Variants in EPHA1 observed in about 807,000 individuals in gnomAD.
EPHA1 encodes the protein ephrin type-A receptor 1.
In EPHA1, 92 loss-of-function variants were observed where a neutral mutation model predicts 110.1. The ratio of observed to expected loss-of-function variants is 0.84; its 90% confidence interval spans 0.71 to 0.99. The LOEUF is 0.99. Ranked by LOEUF, EPHA1 falls within the 50% of genes least tolerant of loss-of-function variation. The pLI is 0.00. For synonymous variants in EPHA1, 500 were observed against 516.1 expected, an observed-to-expected ratio of 0.97 and a Z score of 0.42; for missense variants, 1,204 against 1,285.4, an observed-to-expected ratio of 0.94 and a Z score of 0.97.
chr7:143,405,151 GGCTGTGCTGGGGA>G (rs1250479379), intron 2 of EPHA1, among the ~76,000 whole-genome samples: 1 of 152,082 alleles, frequency 6.6e-6, no homozygotes, highest in African/African-American at 2.4e-5. Context: ...TCCTAAGGAA[GGCTGTGCTGGGGA>G]AGCCCAAGTG....
At chr7:143,394,010 G>T in intron 15 of EPHA1, 146 bp from the exon 16 acceptor site, 1 of 1,233,332 alleles carries the variant, frequency 8.1e-7, no homozygotes, top group Non-Finnish European at 1.1e-6. Context: ...ACAGTGGGAG[G>T]ATCAGGGTGG....
In EPHA1 at chr7:143,396,434, G is replaced by A. The variant is rs1272696784; in HGVS notation, c.1848C>T (p.Thr616=). ...EDPAQGALDF[T]RELDPAWLMV... ...TCAGCCACGCTGGATCAAGCTCCCG[G>A]GTAAAGTCCAGGGCTCCCTGTGCAG... Residue 616 remains threonine (T), a synonymous_variant, in exon 11 of 18, where the codon ACC becomes ACT. Transcript: ENST00000275815. 1.2e-6 allele frequency: 2 copies of A among 1,613,824 alleles called. No homozygotes were observed. The highest frequency in any genetic ancestry group is 1.3e-5 in the African/African-American group (1 of 75,032).
chr7:143,396,703 G>T, intron 10 of EPHA1, 193 bp from the exon 11 acceptor site: 1 of 611,988 alleles, frequency 1.6e-6, no homozygotes, highest in Non-Finnish European at 2.7e-6. Flanking sequence ...TATGCTCCAA[G>T]CTCCGCTGTC....
chr7:143,402,903 A>G (rs369787422), intron 2 of EPHA1, among the ~76,000 whole-genome samples: 1 of 152,140 alleles, frequency 6.6e-6, no homozygotes, highest in South Asian at 2.1e-4. Context: ...CCTCACCCTC[A>G]TCCTTCCACT....
rs55874355 is a variant in EPHA1, at chr7:143,399,307, C to G, written c.942G>C (p.Glu314Asp). The G allele has an allele frequency of 1.2e-6, 2 of 1,612,380 alleles. No individual in the cohort carries two copies. The highest frequency in any genetic ancestry group is 1.3e-5 in the African/African-American group (1 of 74,986). ...CCCCGGGAGCTCTGTAATGGCCGCT[C>G]TCACAGGTACAGATGGTGGCCCCCT... ...ESEGATICTC[E>D]SGHYRAPGEG... The change falls in exon 5 of 18, where the codon GAG (glutamate) becomes GAC (aspartate). Residue 314 changes from glutamate (E) to aspartate (D), a missense_variant. By Grantham distance (45) the Glu-to-Asp change is conservative. Coordinates refer to ENST00000275815, the MANE Select transcript of EPHA1 (RefSeq NM_005232.5).
rs374658383 is a variant in EPHA1 at position 143,404,760 on chromosome 7, A to G, written c.150+2851T>C. ...TATCTGCTTGTCAGACAAGTCTCCCATTTCATTCTTCAAAAACTCTTCTCA... is the reference window on the plus strand; with the variant it reads ...TATCTGCTTGTCAGACAAGTCTCCCGTTTCATTCTTCAAAAACTCTTCTCA... On this transcript the variant is annotated intron_variant, in intron 2 of 17. Coordinates refer to ENST00000275815, the MANE Select transcript of EPHA1 (RefSeq NM_005232.5). Among the ~76,000 whole-genome samples, 19 of 152,210 alleles carry G rather than the reference A, an allele frequency of 1.2e-4. No individual in the cohort carries two copies. In the East Asian group the frequency reaches 3.5e-3, roughly 28 times the overall value.
chr7:143,397,474 A>G (rs2116621598), intron 9 of EPHA1, 87 bp downstream of exon 9: 4 of 1,592,576 alleles, frequency 2.5e-6, no homozygotes, highest in Non-Finnish European at 3.4e-6. Context: ...ATGGGTTTTG[A>G]TACTAGGGGA....
chr7:143,407,592 TC>T lies in EPHA1; in HGVS notation c.150+18del. 1.2e-6 allele frequency: 2 copies of T among 1,612,322 alleles called. No individual in the cohort carries two copies. Among genetic ancestry groups the T allele is most frequent in the Non-Finnish European group, 1.7e-6 (2 of 1,179,168 alleles). On this transcript the variant is annotated intron_variant, in intron 2 of 17. Coordinates refer to ENST00000275815, the MANE Select transcript of EPHA1 (RefSeq NM_005232.5). ...GCCTTCAGGAGTTTTCCAAGATCCT[TC>T]CCTCTTCCGACACTTACCCCATCTT...
At position 143,397,972 on chromosome 7, in the gene EPHA1, T is replaced by C; in HGVS notation, c.1563A>G (p.Pro521=). Residue 521 remains proline (P), a synonymous_variant, in exon 8 of 18, where the codon CCA becomes CCG. Coordinates refer to ENST00000275815, the MANE Select transcript of EPHA1 (RefSeq NM_005232.5). Reference sequence around the variant, plus strand: ...CAGGGGAGAAAGGGCCAGGACCCAGTGGGGTCAGCATTCGGACTCTGACGA... The same window carrying C: ...CAGGGGAGAAAGGGCCAGGACCCAGCGGGGTCAGCATTCGGACTCTGACGA... ...TYIVRVRMLT[P]LGPGPFSPDH... 6.2e-7 allele frequency: 1 copy of C among 1,614,014 alleles called. No homozygotes were observed. Among genetic ancestry groups the C allele is most frequent in the Non-Finnish European group, 8.5e-7 (1 of 1,179,980 alleles).
intron 4 of EPHA1, 45 bp downstream of exon 4, chr7:143,399,606 A>G: frequency 3.7e-6 from 6 of 1,607,914 alleles, no homozygotes; most frequent in South Asian, 3.3e-5. Context: ...TACTCCTGCA[A>G]TCCTCCCGAG....
At position 143,393,732 on chromosome 7, in the gene EPHA1, G is replaced by A; in HGVS notation, c.2635C>T (p.His879Tyr). Residue 879 changes from histidine to tyrosine, a missense_variant, in exon 16 of 18, where the codon CAT becomes TAT. By Grantham distance (83) the His-to-Tyr change is moderately conservative. Transcript: ENST00000275815. This position sits in a 1 kb window ranked among gnomAD's most constrained non-coding sequence, Gnocchi z 5.6. ...GGGTTGGCAAGCAGTTGCTCCAGAT[G>A]TGCCTGAAGCTTCTGGAAGTGTGGC... ...RRPHFQKLQA[H>Y]LEQLLANPHS... is the part of the protein sequence containing the mutation. 2 of 1,613,998 alleles carry A rather than the reference G, an allele frequency of 1.2e-6. No homozygotes were observed. The highest frequency in any genetic ancestry group is 1.1e-5 in the South Asian group (1 of 91,064).
At chr7:143,396,949 C>T (rs980534102) in intron 10 of EPHA1, among the ~76,000 whole-genome samples, 3 of 152,148 alleles carry the variant, frequency 2.0e-5, no homozygotes, top group East Asian at 1.9e-4. Context: ...TCATAAGCCT[C>T]GGAGGACGTC....
chr7:143,398,313 A>G lies in EPHA1; in HGVS notation c.1464+8T>C. 6.2e-7 allele frequency: 1 copy of G among 1,613,994 alleles called. No homozygotes were observed. The highest frequency in any genetic ancestry group is 1.7e-4 in the Middle Eastern group (1 of 6,058). On this transcript the variant is annotated splice_region_variant and intron_variant, in intron 7 of 17. Transcript: ENST00000275815. ...ACACTGAAGACCATCTCTCAGTAGC[A>G]TCCTGACCTGGTTCAGCACGTGCAG...
At chr7:143,399,033 G>A (rs1805343108) in intron 5 of EPHA1, 88 bp from the exon 6 acceptor site, 14 of 1,315,604 alleles carry the variant, frequency 1.1e-5, no homozygotes, top group African/African-American at 2.9e-5. Context: ...CCCAATTCTC[G>A]ATGTCCTCTG....
In EPHA1 at chr7:143,399,331, C is replaced by T. The variant is rs1387434435; in HGVS notation, c.918G>A (p.Glu306=). ...TCPQQSTAES[E]GATICTCESG... The stretch of plus-strand genomic sequence containing the variant: ...TCTCACAGGTACAGATGGTGGCCCC[C>T]TCAGACTCAGCAGTGCTCTGCTGGG... The change falls in exon 5 of 18, where the codon GAG becomes GAA. Residue 306 remains glutamate, a synonymous_variant. Coordinates refer to ENST00000275815, the MANE Select transcript of EPHA1 (RefSeq NM_005232.5). 2 of 1,612,546 alleles carry T rather than the reference C, an allele frequency of 1.2e-6. No homozygotes were observed. Among genetic ancestry groups the T allele is most frequent in the African/African-American group, 1.3e-5 (1 of 74,880 alleles).
At chr7:143,402,388 TTTTG>T (rs1181326622) in intron 2 of EPHA1, among the ~76,000 whole-genome samples, 1 of 151,990 alleles carries the variant, frequency 6.6e-6, no homozygotes, top group African/African-American at 2.4e-5. Flanking sequence ...CCCCTTAACT[TTTTG>T]TTTGTTTGTT....
At chr7:143,408,065 G>C (rs895749178) in intron 1 of EPHA1, among the ~76,000 whole-genome samples, 2 of 152,208 alleles carry the variant, frequency 1.3e-5, no homozygotes, top group Admixed American at 1.3e-4. Flanking sequence ...GGAGTGGGCA[G>C]GGTGGACCGG....
intron 16 of EPHA1, among the ~76,000 whole-genome samples, chr7:143,392,165 G>C (rs905003207): frequency 6.6e-6 from 1 of 152,204 alleles, no homozygotes; most frequent in South Asian, 2.1e-4. Flanking sequence ...CCTGGGCGTG[G>C]TCCTGCCTTT....
Position 143,395,786 on chromosome 7 carries a change from G to A in EPHA1, c.1898-282C>T, listed in dbSNP as rs1022883821. Among the ~76,000 whole-genome samples, 4 of 152,218 alleles carry A rather than the reference G, an allele frequency of 2.6e-5. No homozygotes were observed. Among genetic ancestry groups the A allele is most frequent in the Admixed American group, 1.3e-4 (2 of 15,286 alleles). The stretch of plus-strand genomic sequence containing the variant: ...GCAGGGTGAATGAACCCTGTGGAGC[G>A]GGACTGGGCCGTGCTCATGAAGAGC... On this transcript the variant is annotated intron_variant, in intron 11 of 17. Transcript: ENST00000275815. This position sits in a 1 kb window ranked among gnomAD's most constrained non-coding sequence, Gnocchi z 4.7.
Sources: allele counts gnomAD v4.1 joint callset (sites outside exome capture counted in the v4.1 genomes callset), GRCh38; gene constraint gnomAD v4.1.1; non-coding constraint Gnocchi (gnomAD v3.1); transcripts MANE v1.5; gene names NCBI Gene and HGNC (gene_info 2026-07-23, HGNC 2026-07-21).